ALG13: variants seen among roughly 807,000 people sequenced by gnomAD.
The protein encoded by ALG13 is ALG13 UDP-N-acetylglucosaminyltransferase subunit.
Under a neutral mutation model 87.8 loss-of-function variants are expected in ALG13, and 11 were observed. The ratio of observed to expected loss-of-function variants is 0.13; its 90% CI spans 0.08 to 0.21. The LOEUF (loss-of-function observed/expected upper bound fraction) is 0.21. ALG13 is among the 10% of genes least tolerant of loss of function. The pLI, the probability that ALG13 is intolerant of heterozygous loss-of-function variation, is 1.00. For synonymous variants in ALG13, 320 were observed against 306.3 expected (o/e 1.04, Z -0.47); for missense variants, 756 against 866.1 (o/e 0.87, Z 1.60).
In ALG13 at chrX:111,697,413, C is replaced by G. The variant is rs1937118894; in HGVS notation, c.384-10614C>G. Among the ~76,000 whole-genome samples, 3 of 111,644 alleles carry G rather than the reference C, an allele frequency of 2.7e-5. No homozygotes were observed. The South Asian group carries it at 1.1e-3, about 42-fold the overall frequency. ...AGTGTATTCCCTGGACCAGCATCAT[C>G]ATCACCTGGGAACTTGTTAGAAATG... On this transcript the variant is annotated intron_variant, in intron 3 of 26. Coordinates refer to ENST00000394780, the MANE Select transcript of ALG13 (RefSeq NM_001099922.3).
At chrX:111,754,648 A>C (rs1945070617) in intron 25 of ALG13, among the ~76,000 whole-genome samples, 1 of 112,046 alleles carries the variant, frequency 8.9e-6, no homozygotes, top group Non-Finnish European at 1.9e-5. Flanking sequence ...AATAATAGCC[A>C]AACCATGAGT....
intron 3 of ALG13, among the ~76,000 whole-genome samples, chrX:111,698,450 C>G (rs1937268318): frequency 9.0e-6 from 1 of 110,924 alleles, no homozygotes. Flanking sequence ...ACAAAAGATC[C>G]CAGAACTTAT....
At chrX:111,681,719 C>T (rs1933343559) in intron 1 of ALG13, 1 of 838,026 alleles carries the variant, frequency 1.2e-6, no homozygotes, top group Non-Finnish European at 1.4e-6. Context: ...CAGCCGAGCT[C>T]GCCTCAGAGC....
intron 24 of ALG13, among the ~76,000 whole-genome samples, 184 bp downstream of exon 24, chrX:111,745,088 TA>T (rs1001256272): frequency 4.5e-5 from 5 of 111,498 alleles, no homozygotes; most frequent in Admixed American, 9.6e-5. Context: ...ATCTTCTACA[TA>T]ATCAACAAGT....
At position 111,708,323 on chromosome X, in the gene ALG13, G is replaced by T; in HGVS notation, c.680G>T (p.Gly227Val). Residue 227 changes from glycine (G) to valine (V), a missense_variant, in exon 4 of 27, where the codon GGC becomes GTC. Coordinates refer to ENST00000394780, the MANE Select transcript of ALG13 (RefSeq NM_001099922.3). ...LNEASMDEYL[G>V]SLGLFRKLTA... ...GAGGCATCAATGGATGAATATTTAG[G>T]CAGCTTAGGGCTGTTTCGAAAGCTG... The T allele has an allele frequency of 8.3e-7, 1 of 1,211,448 alleles. No homozygotes were observed. Among genetic ancestry groups the T allele is most frequent in the Non-Finnish European group, 1.1e-6 (1 of 895,220 alleles).
chrX:111,758,856 T>C (rs1945494485), intron 26 of ALG13, among the ~76,000 whole-genome samples: 2 of 111,383 alleles, frequency 1.8e-5, no homozygotes, highest in African/African-American at 6.5e-5. Context: ...TCCCAGCACT[T>C]TGGGAGGCTG....
Position 111,744,725 on chromosome X carries a change from TACCACCACC to T in ALG13, c.2790_2798del (p.Pro943_Pro945del), listed in dbSNP as rs750710267. The T allele has an allele frequency of 2.7e-5, 30 of 1,099,428 alleles. No individual in the cohort carries two copies. Among genetic ancestry groups the T allele is most frequent in the African/African-American group, 8.7e-5 (4 of 46,044 alleles). The allele number at this position is 1,099,428 out of a possible 1,213,427, so 90.6% of individuals were successfully genotyped here. A position where few individuals can be genotyped will look rare whatever the true frequency, so the allele number is the denominator to read the frequency against. On this transcript the variant is annotated inframe_deletion, in exon 24 of 27. Transcript: ENST00000394780. ...GCTATTCCTCATGCTGGTGCCTCTC[TACCACCACC>T]ACCACCACCACCACCACCACCACCA... is the stretch of plus-strand genomic sequence containing the variant.
chrX:111,689,307 T>C lies in ALG13; in HGVS notation c.383+4204T>C, dbSNP rs974617694. 28 of 751,559 alleles carry C rather than the reference T, an allele frequency of 3.7e-5. No individual in the cohort carries two copies. The South Asian group carries it at 1.8e-3, about 48-fold the overall frequency. 61.9% of individuals were successfully genotyped at this position (751,559 alleles called of 1,213,427 possible). ...CAGGGAGAGAATCTTTAGTGTTTTCTGGGCCCTCATAAATACGTTTTTCTC... is the reference window on the plus strand; with the variant it reads ...CAGGGAGAGAATCTTTAGTGTTTTCCGGGCCCTCATAAATACGTTTTTCTC... On this transcript the variant is annotated intron_variant, in intron 3 of 26. Transcript: ENST00000394780.
chrX:111,693,989 A>G (rs993995967), intron 3 of ALG13, among the ~76,000 whole-genome samples: 1 of 111,141 alleles, frequency 9.0e-6, no homozygotes, highest in Non-Finnish European at 1.9e-5. Context: ...AACCCTTTTG[A>G]TTAATTACAT....
At chrX:111,709,373 A>G (rs1384433570) in intron 5 of ALG13, among the ~76,000 whole-genome samples, 1 of 112,609 alleles carries the variant, frequency 8.9e-6, no homozygotes, top group South Asian at 3.7e-4. Context: ...ACAATTAATA[A>G]TAGTTCATGA....
intron 3 of ALG13, among the ~76,000 whole-genome samples, chrX:111,703,453 G>A (rs1938240550): frequency 9.0e-6 from 1 of 111,309 alleles, no homozygotes; most frequent in Admixed American, 9.6e-5. Context: ...TGACAAACGC[G>A]TAATCATGTA....
In ALG13 at chrX:111,716,076, A is replaced by G. The variant is rs547368183; in HGVS notation, c.1006-1770A>G. Among the ~76,000 whole-genome samples the G allele has an allele frequency of 3.5e-3, 388 of 112,110 alleles. 3 individuals are homozygous for G. Among genetic ancestry groups the G allele is most frequent in the African/African-American group, 0.012 (370 of 30,786 alleles). On this transcript the variant is annotated intron_variant, in intron 8 of 26. Coordinates refer to ENST00000394780, the MANE Select transcript of ALG13 (RefSeq NM_001099922.3). ...CAAGTATTGGTTCTCATGCACTTCA[A>G]AGTAACAAACTATTAAGTATTGGTG...
At chrX:111,723,111 A>T (rs1941581191) in intron 13 of ALG13, among the ~76,000 whole-genome samples, 1 of 108,745 alleles carries the variant, frequency 9.2e-6, no homozygotes, top group African/African-American at 3.3e-5. Context: ...ACATACCACC[A>T]TGCCTGGCTA....
intron 25 of ALG13, among the ~76,000 whole-genome samples, chrX:111,756,284 A>G (rs1188349587): frequency 9.0e-6 from 1 of 111,566 alleles, no homozygotes; most frequent in Non-Finnish European, 1.9e-5. Context: ...AAAGGGAGGG[A>G]GAGCATTAGG....
intron 23 of ALG13, among the ~76,000 whole-genome samples, chrX:111,742,689 G>A (rs1943864683): frequency 8.9e-6 from 1 of 111,919 alleles, no homozygotes; most frequent in African/African-American, 3.2e-5. Context: ...AGTTTTGGTA[G>A]CCCCTTAAAT....
chrX:111,760,106 A>G lies in ALG13; in HGVS notation c.*107A>G, dbSNP rs112755190. ...ATGATTTAGGTGATTAGTGTTTACTATTGTATTTGTCTTTAAAATTATTTT... is the reference window on the plus strand; with the variant it reads ...ATGATTTAGGTGATTAGTGTTTACTGTTGTATTTGTCTTTAAAATTATTTT... On this transcript the variant is annotated 3_prime_UTR_variant, in exon 27 of 27. Coordinates refer to ENST00000394780, the MANE Select transcript of ALG13 (RefSeq NM_001099922.3). 1.7e-4 allele frequency: 137 copies of G among 816,575 alleles called. No homozygotes were observed. Among genetic ancestry groups the G allele is most frequent in the African/African-American group, 1.7e-3 (79 of 47,638 alleles). The allele number at this position is 816,575 out of a possible 1,213,427, so 67.3% of individuals were successfully genotyped here.
chrX:111,684,489 T>G (rs1934402987), intron 2 of ALG13, among the ~76,000 whole-genome samples: 1 of 110,607 alleles, frequency 9.0e-6, no homozygotes, highest in South Asian at 3.9e-4. Flanking sequence ...TGTTTTTGTT[T>G]TTATTTTGAT....
intron 1 of ALG13, chrX:111,681,507 C>A: frequency 9.8e-7 from 1 of 1,020,251 alleles, no homozygotes; most frequent in Non-Finnish European, 1.3e-6. Flanking sequence ...TTGCCTGTTT[C>A]CTCTTCCCAT....
At chrX:111,711,751 C>A in intron 6 of ALG13, 26 bp downstream of exon 6, 1 of 1,171,855 alleles carries the variant, frequency 8.5e-7, no homozygotes, top group Non-Finnish European at 1.2e-6. Context: ...GGGGTTTAAT[C>A]TTTTCAGAGT....
Sources: gnomAD v4.1 joint callset for allele counts (sites outside exome capture counted in the v4.1 genomes callset) on GRCh38, gnomAD v4.1.1 for gene constraint, MANE v1.5 for transcripts, NCBI Gene and HGNC (gene_info 2026-07-23, HGNC 2026-07-21) for gene names.